The following HDAC9 variants were observed in gnomAD, a reference collection of about 807,000 sequenced individuals.
HDAC9 encodes histone deacetylase 9.
HDAC9 carries 41 observed loss-of-function variants against 139.4 expected under a neutral mutation model. The observed-to-expected ratio is 0.29, with a 90% CI of 0.23 to 0.38. The LOEUF (loss-of-function observed/expected upper bound fraction) is 0.38. Among genes scored for constraint, HDAC9 ranks in the 10% least tolerant of loss-of-function variants. The pLI is 1.00. For missense variants in HDAC9, 1,147 were observed against 1,297.0 expected, an observed-to-expected ratio of 0.88 and a Z score of 1.78; for synonymous variants, 517 against 476.2, an observed-to-expected ratio of 1.09 and a Z score of -1.12.
intron 17 of HDAC9, among the ~76,000 whole-genome samples, chr7:18,812,482 T>C (rs1794250963): frequency 1.3e-5 from 2 of 152,050 alleles, no homozygotes. Context: ...TATTTCACAC[T>C]CTAAAGATAT....
chr7:18,304,704 A>G (rs1387562240), intron 1 of HDAC9, among the ~76,000 whole-genome samples: 2 of 152,226 alleles, frequency 1.3e-5, no homozygotes, highest in Non-Finnish European at 2.9e-5. Context: ...CACTGTTGAT[A>G]TTAAATTAAT....
chr7:18,555,739 G>A (rs552496470), intron 2 of HDAC9, among the ~76,000 whole-genome samples: 5 of 151,924 alleles, frequency 3.3e-5, no homozygotes, highest in African/African-American at 1.2e-4. Flanking sequence ...AATAATAAAC[G>A]ATATTTTTAA....
chr7:18,944,470 C>T (rs927777702), intron 23 of HDAC9, among the ~76,000 whole-genome samples: 1 of 152,154 alleles, frequency 6.6e-6, no homozygotes, highest in African/African-American at 2.4e-5. Flanking sequence ...AGAACATGAA[C>T]TCAAGATCTA....
Position 18,745,580 on chromosome 7 carries a change from C to G in HDAC9, c.1910-3425C>G, listed in dbSNP as rs1223727883. ...TTTGAGACGGAGTCTCGGTCTGTCG[C>G]CCAGGCCGGACTGCGGACTGCAGTG... On this transcript the variant is annotated intron_variant, in intron 13 of 25. Coordinates refer to ENST00000686413, the MANE Select transcript of HDAC9 (RefSeq NM_178425.4). Among the ~76,000 whole-genome samples the G allele has an allele frequency of 1.9e-4, 26 of 138,398 alleles. 1 individual carries two copies. The Admixed American group carries it at 2.0e-3, about 10-fold the overall frequency. 90.8% of individuals were successfully genotyped at this position (138,398 alleles called of 152,430 possible). A position where few individuals can be genotyped will look rare whatever the true frequency, so the allele number is the denominator to read the frequency against.
chr7:18,451,401 G>GTATA (rs1554422578), intron 1 of HDAC9, among the ~76,000 whole-genome samples: 6 of 135,212 alleles, frequency 4.4e-5, no homozygotes, highest in Non-Finnish European at 7.9e-5. Flanking sequence ...GTGTGTGTGT[G>GTATA]TATATATGTG....
At chr7:18,860,691 G>A (rs1004675917) in intron 21 of HDAC9, among the ~76,000 whole-genome samples, 16 of 152,258 alleles carry the variant, frequency 1.1e-4, no homozygotes, top group African/African-American at 3.9e-4. Flanking sequence ...GAAGACGGAA[G>A]AAAGGAAGGA....
chr7:18,784,698 C>T (rs750528000), intron 16 of HDAC9, among the ~76,000 whole-genome samples: 7 of 152,020 alleles, frequency 4.6e-5, no homozygotes, highest in South Asian at 4.2e-4. Context: ...GTGTAAACAA[C>T]GGTTTTGAAA....
intron 11 of HDAC9, among the ~76,000 whole-genome samples, chr7:18,657,021 A>G (rs1167632329): frequency 6.6e-6 from 1 of 151,858 alleles, no homozygotes; most frequent in African/African-American, 2.4e-5. Context: ...TTTGATTTTC[A>G]TTTCTCTGAT....
At chr7:18,693,234 T>C (rs1021070165) in intron 12 of HDAC9, among the ~76,000 whole-genome samples, 1 of 152,208 alleles carries the variant, frequency 6.6e-6, no homozygotes, top group East Asian at 1.9e-4. Flanking sequence ...AAAGGAGAGA[T>C]AACCAAACCA....
At position 18,541,502 on chromosome 7, in the gene HDAC9, ATTTTATG is replaced by A. The variant is rs147824196; in HGVS notation, c.23-43774_23-43768del. Among the ~76,000 whole-genome samples the A allele has an allele frequency of 8.5e-3, 1,294 of 152,060 alleles. 21 individuals are homozygous for A. Among genetic ancestry groups the A allele is most frequent in the African/African-American group, 0.03 (1,241 of 41,466 alleles). ...GTCTCTCTAATACATTCTTTCCTTA[ATTTTATG>A]TTTTTCTCTGGTTGGAATTTCCTAA... is the stretch of plus-strand genomic sequence containing the variant. On this transcript the variant is annotated intron_variant, in intron 2 of 25. Transcript: ENST00000686413.
intron 1 of HDAC9, among the ~76,000 whole-genome samples, chr7:18,111,852 G>C (rs1186504232): frequency 6.6e-6 from 1 of 152,194 alleles, no homozygotes. Context: ...TGAAACTGCA[G>C]TTCCATGCTG....
chr7:18,431,119 A>T (rs1235295029), intron 1 of HDAC9, among the ~76,000 whole-genome samples: 1 of 152,020 alleles, frequency 6.6e-6, no homozygotes, highest in Non-Finnish European at 1.5e-5. Context: ...AACCCACTAA[A>T]TTGGCCTTGT....
At chr7:18,364,911 G>T (rs949413814) in intron 1 of HDAC9, among the ~76,000 whole-genome samples, 5 of 152,064 alleles carry the variant, frequency 3.3e-5, no homozygotes, top group Admixed American at 3.3e-4. Flanking sequence ...TAGCAGAATC[G>T]AAGGGAAATT....
chr7:18,850,639 G>C (rs1246474096), intron 21 of HDAC9, among the ~76,000 whole-genome samples: 1 of 152,136 alleles, frequency 6.6e-6, no homozygotes, highest in Admixed American at 6.5e-5. Context: ...CTAGAATAGA[G>C]GCTTCCCTCG....
chr7:18,588,153 C>G (rs1376600321), intron 3 of HDAC9, among the ~76,000 whole-genome samples: 1 of 152,166 alleles, frequency 6.6e-6, no homozygotes, highest in Non-Finnish European at 1.5e-5. Context: ...GGTTGATATA[C>G]AGAGTTAGCT....
At position 18,745,531 on chromosome 7, in the gene HDAC9, C is replaced by CTTT. The variant is rs565092002; in HGVS notation, c.1910-3450_1910-3448dup. ...CAATGTAATGATTAGACTCTCTACT[C>CTTT]TTTTTTTTTTTTTTTTTTTTTTTTT... On this transcript the variant is annotated intron_variant, in intron 13 of 25. Transcript: ENST00000686413. Among the ~76,000 whole-genome samples the CTTT allele has an allele frequency of 3.3e-4, 30 of 90,486 alleles. 1 individual carries two copies. Among genetic ancestry groups the CTTT allele is most frequent in the African/African-American group, 5.1e-4 (11 of 21,528 alleles). The allele number at this position is 90,486 out of a possible 152,430, so 59.4% of individuals were successfully genotyped here.
intron 1 of HDAC9, among the ~76,000 whole-genome samples, chr7:18,332,300 A>T (rs1463877697): frequency 6.6e-6 from 1 of 151,074 alleles, no homozygotes; most frequent in Non-Finnish European, 1.5e-5. Context: ...TCCTCATTCC[A>T]CCTCAAAGAC....
chr7:18,730,374 T>G (rs1785936932), intron 13 of HDAC9, among the ~76,000 whole-genome samples: 1 of 152,228 alleles, frequency 6.6e-6, no homozygotes, highest in Admixed American at 6.5e-5. Flanking sequence ...CTGTAAGGTT[T>G]TCATTCTAGT....
rs1287864753 is a variant in HDAC9, at chr7:18,718,258, G to C, written c.1732-9322G>C. ...TTTGTTTTTTTGTTTTTGAGATGGA[G>C]TCGCGCTCTGTCCCCCAGGCTGGAG... On this transcript the variant is annotated intron_variant, in intron 12 of 25. Transcript: ENST00000686413. Among the ~76,000 whole-genome samples, 3 of 152,210 alleles carry C rather than the reference G, an allele frequency of 2.0e-5. No homozygotes were observed. In the East Asian group the frequency reaches 5.8e-4, roughly 29 times the overall value.
Sources: gnomAD v4.1 joint callset for allele counts (sites outside exome capture counted in the v4.1 genomes callset) on GRCh38, gnomAD v4.1.1 for gene constraint, MANE v1.5 for transcripts, NCBI Gene and HGNC (gene_info 2026-07-23, HGNC 2026-07-21) for gene names.